CEP63: variants seen among roughly 807,000 people sequenced by gnomAD.
CEP63 encodes centrosomal protein 63, also known as centrosomal protein of 63 kDa.
CEP63 carries 84 observed loss-of-function variants against 89.1 expected under a neutral mutation model. The observed-to-expected ratio is 0.94, with a 90% CI of 0.79 to 1.13. The LOEUF is 1.13. CEP63 is among the 50% of genes most tolerant of loss of function. The pLI, the probability that CEP63 is intolerant of heterozygous loss-of-function variation, is 0.00. For missense variants in CEP63, 838 were observed against 813.3 expected (o/e 1.03, Z -0.37); for synonymous variants, 267 against 272.5 (o/e 0.98, Z 0.20).
chr3:134,509,772 GC>G (rs1944400900), intron 3 of CEP63, among the ~76,000 whole-genome samples: 1 of 152,156 alleles, frequency 6.6e-6, no homozygotes, highest in Non-Finnish European at 1.5e-5. Context: ...AATATGTGCA[GC>G]TTTTTGTATG....
rs1030467306 is a variant in CEP63, at chr3:134,562,357, A to T, written c.*822A>T. 3.5e-6 allele frequency: 1 copy of T among 284,226 alleles called. No homozygotes were observed. The allele number at this position is 284,226 out of a possible 1,614,324, so 17.6% of individuals were successfully genotyped here. On this transcript the variant is annotated 3_prime_UTR_variant, in exon 15 of 15. Coordinates refer to ENST00000675561, the MANE Select transcript of CEP63 (RefSeq NM_001353108.3). ...TGGGTTTGGGGCCCTGAAAGATGCC[A>T]GCATCTGAGGATCACAGGAAATAGA...
chr3:134,673,721 C>T, the CEP63 span, among the ~76,000 whole-genome samples: 2 of 152,152 alleles, frequency 1.3e-5, no homozygotes, highest in South Asian at 2.1e-4. Flanking sequence ...ATCCCTTCCC[C>T]ATCCCCTCCA....
At chr3:134,740,657 C>G in the CEP63 span, among the ~76,000 whole-genome samples, 1 of 152,134 alleles carries the variant, frequency 6.6e-6, no homozygotes, top group Non-Finnish European at 1.5e-5. Context: ...GTGTGGTCAG[C>G]CTGCTAGCAG....
chr3:134,676,725 G>A, the CEP63 span, among the ~76,000 whole-genome samples: 64 of 152,290 alleles, frequency 4.2e-4, no homozygotes, highest in East Asian at 8.3e-3. Flanking sequence ...CCTATAATCA[G>A]TTGTGCCAGA....
At chr3:134,587,463 G>A (rs988715492) in exon 11 of CEP63, among the ~76,000 whole-genome samples, 1 of 152,178 alleles carries the variant, frequency 6.6e-6, no homozygotes, top group African/African-American at 2.4e-5. Flanking sequence ...CTCAGCTGCA[G>A]GTCTGTTGGA....
At chr3:134,625,365 G>T in the CEP63 span, among the ~76,000 whole-genome samples, 44 of 152,352 alleles carry the variant, frequency 2.9e-4, no homozygotes, top group African/African-American at 1.1e-3. Flanking sequence ...GGCCTACAGG[G>T]AACATACGCC....
the CEP63 span, among the ~76,000 whole-genome samples, chr3:134,664,115 G>A: frequency 6.6e-6 from 1 of 152,170 alleles, no homozygotes; most frequent in Admixed American, 6.5e-5. Context: ...TCCGGCATCT[G>A]GACACCTGTT....
chr3:134,541,404 A>T (rs2109387947), intron 6 of CEP63, among the ~76,000 whole-genome samples: 1 of 151,756 alleles, frequency 6.6e-6, no homozygotes, highest in African/African-American at 2.4e-5. Context: ...AGGAATCTAA[A>T]TTTGTTTTTT....
chr3:134,509,177 T>C (rs1220962931), intron 3 of CEP63, among the ~76,000 whole-genome samples: 1 of 152,200 alleles, frequency 6.6e-6, no homozygotes, highest in Non-Finnish European at 1.5e-5. Context: ...CACAGTTCTG[T>C]AGAAACATAG....
chr3:134,691,222 G>A, the CEP63 span, among the ~76,000 whole-genome samples: 5 of 151,796 alleles, frequency 3.3e-5, no homozygotes, highest in East Asian at 3.9e-4. Flanking sequence ...GCTGGGTGTC[G>A]TGCTGTATGC....
At chr3:134,521,164 G>A (rs1947359175) in intron 3 of CEP63, among the ~76,000 whole-genome samples, 1 of 152,088 alleles carries the variant, frequency 6.6e-6, no homozygotes, top group South Asian at 2.1e-4. Flanking sequence ...GCGAGCATGT[G>A]AAAAGGTGCT....
downstream of CEP63, among the ~76,000 whole-genome samples, chr3:134,567,940 TTGA>T (rs2110260869): frequency 6.6e-6 from 1 of 152,362 alleles, no homozygotes; most frequent in Non-Finnish European, 1.5e-5. Context: ...TATGAGCATA[TTGA>T]AGTTCTGCCC....
chr3:134,718,328 A>G, the CEP63 span, among the ~76,000 whole-genome samples: 1 of 152,240 alleles, frequency 6.6e-6, no homozygotes, highest in Non-Finnish European at 1.5e-5. Flanking sequence ...AATGAAGCCA[A>G]CATAGAGAAA....
chr3:134,557,835 A>G (rs543083971), intron 12 of CEP63, among the ~76,000 whole-genome samples: 3 of 152,058 alleles, frequency 2.0e-5, no homozygotes, highest in East Asian at 1.9e-4. Flanking sequence ...CATGGCTGCT[A>G]TTTTCCTTCT....
the CEP63 span, among the ~76,000 whole-genome samples, chr3:134,780,863 A>G: frequency 2.0e-5 from 3 of 152,134 alleles, no homozygotes; most frequent in African/African-American, 7.2e-5. Context: ...CTTACAGCCC[A>G]CTGCATTTAG....
the CEP63 span, among the ~76,000 whole-genome samples, chr3:134,674,604 C>G: frequency 6.6e-6 from 1 of 151,894 alleles, no homozygotes; most frequent in African/African-American, 2.4e-5. Context: ...GAAAAAGAAA[C>G]AAAAGGCATC....
At chr3:134,663,185 C>A in the CEP63 span, among the ~76,000 whole-genome samples, 4 of 152,212 alleles carry the variant, frequency 2.6e-5, no homozygotes, top group Non-Finnish European at 5.9e-5. Context: ...GCGGGTACAT[C>A]ATTCCTGGCA....
At chr3:134,640,901 G>A in the CEP63 span, among the ~76,000 whole-genome samples, 4 of 152,220 alleles carry the variant, frequency 2.6e-5, no homozygotes, top group Non-Finnish European at 4.4e-5. Context: ...TATTCTCTAC[G>A]CATTGGATGT....
At chr3:134,546,360 A>AT (rs1167833467) in intron 8 of CEP63, 72 bp downstream of exon 8, 2 of 1,312,410 alleles carry the variant, frequency 1.5e-6, no homozygotes, top group African/African-American at 3.0e-5. Context: ...GCTTATTTTT[A>AT]TTTTTATTTT....
Sources: gnomAD v4.1 joint callset for allele counts (sites outside exome capture counted in the v4.1 genomes callset) on GRCh38, gnomAD v4.1.1 for gene constraint, MANE v1.5 for transcripts, NCBI Gene and HGNC (gene_info 2026-07-23, HGNC 2026-07-21) for gene names.